NKAIN2: variants seen among roughly 807,000 people sequenced by gnomAD.
NKAIN2 encodes the protein sodium/potassium transporting ATPase interacting 2.
Under a neutral mutation model 32.6 loss-of-function variants are expected in NKAIN2, and 14 were observed. The ratio of observed to expected loss-of-function variants is 0.43; its 90% CI spans 0.28 to 0.67. NKAIN2 has a LOEUF of 0.67. Among genes scored for constraint, NKAIN2 ranks in the 30% least tolerant of loss-of-function variants. The pLI is 0.17. For missense variants in NKAIN2, 198 were observed against 258.3 expected (o/e 0.77, Z 1.60); for synonymous variants, 80 against 87.2 (o/e 0.92, Z 0.46).
At chr6:124,481,854 G>A (rs1485884693) in intron 3 of NKAIN2, among the ~76,000 whole-genome samples, 3 of 151,870 alleles carry the variant, frequency 2.0e-5, no homozygotes, top group African/African-American at 4.8e-5. Flanking sequence ...GGCAAAAAAC[G>A]TGTTTTTGGC....
At chr6:124,804,111 GC>G (rs935441094) in intron 5 of NKAIN2, among the ~76,000 whole-genome samples, 38 of 152,114 alleles carry the variant, frequency 2.5e-4, no homozygotes, top group Admixed American at 1.6e-3. Context: ...TGACTCCAAA[GC>G]CCCCCATCTT....
Position 124,176,925 on chromosome 6 carries a change from G to A in NKAIN2, c.55-106080G>A, listed in dbSNP as rs1789185212. 2.0e-5 allele frequency among the ~76,000 whole-genome samples: 3 copies of A among 151,790 alleles called. No homozygotes were observed. The South Asian group carries it at 6.2e-4, about 31-fold the overall frequency. ...GACTATTAACTTTTACCCATCTTATGTCTTGCAAAAGTCTTTCCTAGTATG... is the reference window on the plus strand; with the variant it reads ...GACTATTAACTTTTACCCATCTTATATCTTGCAAAAGTCTTTCCTAGTATG... On this transcript the variant is annotated intron_variant, in intron 1 of 6. Coordinates refer to ENST00000368417, the MANE Select transcript of NKAIN2 (RefSeq NM_001040214.3).
intron 1 of NKAIN2, among the ~76,000 whole-genome samples, chr6:124,251,870 T>C (rs1793703175): frequency 6.6e-6 from 1 of 151,992 alleles, no homozygotes; most frequent in Non-Finnish European, 1.5e-5. Flanking sequence ...TACTTCTAAA[T>C]GTAAAACCTA....
rs533701970 is a variant in NKAIN2 at position 124,824,787 on chromosome 6, G to A, written c.*1558G>A. ...TTTCTTTGATTTCTATGAAGTTTCA[G>A]TTATTGGATTAAACTACTTTAGACC... On this transcript the variant is annotated 3_prime_UTR_variant, in exon 7 of 7. Coordinates refer to ENST00000368417, the MANE Select transcript of NKAIN2 (RefSeq NM_001040214.3). 1 of 152,264 alleles carries A rather than the reference G, an allele frequency of 6.6e-6. No individual in the cohort carries two copies. Among genetic ancestry groups the A allele is most frequent in the South Asian group, 2.1e-4 (1 of 4,834 alleles). 9.4% of individuals were successfully genotyped at this position (152,264 alleles called of 1,614,324 possible).
chr6:124,426,032 T>G (rs577748982), intron 3 of NKAIN2, among the ~76,000 whole-genome samples: 1 of 152,204 alleles, frequency 6.6e-6, no homozygotes, highest in Non-Finnish European at 1.5e-5. Flanking sequence ...TAACCTAGAC[T>G]CTTTGTAGTA....
chr6:123,994,218 A>G (rs1333296816), intron 1 of NKAIN2, among the ~76,000 whole-genome samples: 1 of 118,838 alleles, frequency 8.4e-6, no homozygotes, highest in African/African-American at 3.4e-5. Context: ...TTTTTTTTTT[A>G]GATTCTGAGA....
intron 1 of NKAIN2, among the ~76,000 whole-genome samples, chr6:124,010,934 C>A (rs555194134): frequency 1.3e-5 from 2 of 151,882 alleles, no homozygotes; most frequent in Non-Finnish European, 2.9e-5. Flanking sequence ...TTTCTCTTTA[C>A]CCTTATATCA....
chr6:124,065,813 T>C (rs1783144079), intron 1 of NKAIN2, among the ~76,000 whole-genome samples: 1 of 152,218 alleles, frequency 6.6e-6, no homozygotes, highest in African/African-American at 2.4e-5. Flanking sequence ...TATTTCTTCT[T>C]TTTAAATTCT....
At chr6:123,857,981 AT>A (rs1480333166) in intron 1 of NKAIN2, among the ~76,000 whole-genome samples, 1 of 152,206 alleles carries the variant, frequency 6.6e-6, no homozygotes, top group Non-Finnish European at 1.5e-5. Flanking sequence ...GATAGTGTGA[AT>A]GTGTTCTTTC....
At chr6:124,121,357 C>T (rs956008102) in intron 1 of NKAIN2, among the ~76,000 whole-genome samples, 3 of 151,956 alleles carry the variant, frequency 2.0e-5, no homozygotes, top group Non-Finnish European at 4.4e-5. Context: ...TATAAAATAT[C>T]ACCACCCATA....
intron 1 of NKAIN2, among the ~76,000 whole-genome samples, chr6:124,124,375 A>T (rs1465324589): frequency 6.6e-6 from 1 of 152,106 alleles, no homozygotes; most frequent in East Asian, 1.9e-4. Context: ...TAAACACAGC[A>T]TTAATGGGAA....
At chr6:124,729,642 C>T (rs1048240451) in intron 4 of NKAIN2, among the ~76,000 whole-genome samples, 13 of 151,408 alleles carry the variant, frequency 8.6e-5, no homozygotes, top group Non-Finnish European at 3.0e-5. Context: ...CCTTTGAAAA[C>T]TGGCACAAGA....
intron 1 of NKAIN2, among the ~76,000 whole-genome samples, chr6:124,119,970 G>T (rs930139136): frequency 6.6e-6 from 1 of 151,936 alleles, no homozygotes; most frequent in Non-Finnish European, 1.5e-5. Context: ...TGTTGTTCTT[G>T]TTAGGATCCC....
chr6:124,760,459 G>A (rs182557609), intron 4 of NKAIN2, among the ~76,000 whole-genome samples: 49 of 147,774 alleles, frequency 3.3e-4, no homozygotes, highest in Non-Finnish European at 3.0e-5. Flanking sequence ...CCAGATTCCC[G>A]CTACTCTACT....
intron 1 of NKAIN2, among the ~76,000 whole-genome samples, chr6:123,986,671 T>G (rs1779152082): frequency 6.6e-6 from 1 of 152,174 alleles, no homozygotes; most frequent in African/African-American, 2.4e-5. Flanking sequence ...GACCCAGGCA[T>G]TAAATATTTT....
intron 1 of NKAIN2, among the ~76,000 whole-genome samples, chr6:124,109,692 A>G (rs1030568176): frequency 2.0e-5 from 3 of 152,048 alleles, no homozygotes; most frequent in African/African-American, 7.2e-5. Context: ...TCCTGATTGT[A>G]GAGACAAGCT....
chr6:124,775,726 C>A (rs762175967), intron 4 of NKAIN2, among the ~76,000 whole-genome samples: 2 of 152,174 alleles, frequency 1.3e-5, no homozygotes, highest in Non-Finnish European at 2.9e-5. Context: ...TGAGCAGTGA[C>A]CCTACTATCT....
intron 1 of NKAIN2, among the ~76,000 whole-genome samples, chr6:123,902,658 G>T (rs947275208): frequency 6.6e-6 from 1 of 152,074 alleles, no homozygotes; most frequent in Non-Finnish European, 1.5e-5. Context: ...TAACAACCCT[G>T]TTTGGGCATA....
At chr6:124,085,881 A>G (rs1784170454) in intron 1 of NKAIN2, among the ~76,000 whole-genome samples, 2 of 151,952 alleles carry the variant, frequency 1.3e-5, no homozygotes, top group African/African-American at 2.4e-5. Flanking sequence ...TCTACCTCCC[A>G]TATCTTCTAC....
Sources: gnomAD v4.1 joint callset for allele counts (sites outside exome capture counted in the v4.1 genomes callset) on GRCh38, gnomAD v4.1.1 for gene constraint, MANE v1.5 for transcripts, NCBI Gene and HGNC (gene_info 2026-07-23, HGNC 2026-07-21) for gene names.